STAU2: variants seen among roughly 807,000 people sequenced by gnomAD.
The protein encoded by STAU2 is staufen double-stranded RNA binding protein 2.
Under a neutral mutation model 65.9 loss-of-function variants are expected in STAU2, and 20 were observed. That is an observed-to-expected ratio of 0.30 (90% CI 0.21 to 0.44). The LOEUF (loss-of-function observed/expected upper bound fraction) is 0.44, where lower values mean the gene tolerates loss of function less well. Ranked by LOEUF, STAU2 falls within the 20% of genes least tolerant of loss-of-function variation. The pLI, the probability that STAU2 is intolerant of heterozygous loss-of-function variation, is 1.00. For synonymous variants in STAU2, 232 were observed against 233.9 expected, an observed-to-expected ratio of 0.99 and a Z score of 0.07; for missense variants, 558 against 683.9, an observed-to-expected ratio of 0.82 and a Z score of 2.05.
At chr8:73,642,516 C>T (rs990012700) in intron 6 of STAU2, among the ~76,000 whole-genome samples, 11 of 142,206 alleles carry the variant, frequency 7.7e-5, no homozygotes, top group African/African-American at 2.7e-4. Flanking sequence ...AGCAAGACTC[C>T]GTCCAAAAAT....
At chr8:73,648,322 C>T (rs1429089406) in intron 6 of STAU2, among the ~76,000 whole-genome samples, 1 of 152,086 alleles carries the variant, frequency 6.6e-6, no homozygotes, top group Non-Finnish European at 1.5e-5. Context: ...ATCCAAAATA[C>T]CCAATAACAA....
intron 6 of STAU2, among the ~76,000 whole-genome samples, chr8:73,639,867 A>T (rs1038754056): frequency 2.2e-4 from 34 of 152,152 alleles, no homozygotes; most frequent in African/African-American, 8.2e-4. Flanking sequence ...AAAGCTATCA[A>T]ATAGAATACA....
rs939419839 is a variant in STAU2 at position 73,726,010 on chromosome 8, T to TTG, written c.-18+12273_-18+12274insCA. On this transcript the variant is annotated intron_variant, in intron 3 of 14. Coordinates refer to ENST00000524300, the MANE Select transcript of STAU2 (RefSeq NM_001164380.2). Reference sequence around the variant, plus strand: ...TTGATTATGATGTGCGTGGTTAGGTTTTTTTTTTTTTTAATATTTCTTCTA... The same window carrying TTG: ...TTGATTATGATGTGCGTGGTTAGGTTTGTTTTTTTTTTTTAATATTTCTTCTA... Among the ~76,000 whole-genome samples, 107 of 149,050 alleles carry TTG rather than the reference T, an allele frequency of 7.2e-4. 1 individual carries two copies. The South Asian group carries it at 0.021, about 29-fold the overall frequency.
intron 6 of STAU2, among the ~76,000 whole-genome samples, chr8:73,636,620 T>C (rs970145127): frequency 9.9e-5 from 15 of 151,876 alleles, no homozygotes; most frequent in African/African-American, 3.6e-4. Context: ...CCCAGCACTT[T>C]GGTAGGCTGG....
chr8:73,545,057 T>C (rs998467023), intron 13 of STAU2, among the ~76,000 whole-genome samples: 1 of 152,202 alleles, frequency 6.6e-6, no homozygotes, highest in African/African-American at 2.4e-5. Flanking sequence ...TTCAGCTGAA[T>C]CAGTTCCAAT....
chr8:73,493,178 G>T (rs1470694752), intron 13 of STAU2, among the ~76,000 whole-genome samples: 1 of 151,664 alleles, frequency 6.6e-6, no homozygotes, highest in Non-Finnish European at 1.5e-5. Flanking sequence ...AAACTATAAA[G>T]CTTTTAGATG....
chr8:73,651,409 C>A, intron 6 of STAU2: 1 of 665,776 alleles, frequency 1.5e-6, no homozygotes, highest in Non-Finnish European at 2.8e-6. Context: ...TGTCGGAGGT[C>A]CAGATAAAAA....
intron 4 of STAU2, chr8:73,697,214 C>T (rs1819744830): frequency 6.6e-6 from 1 of 152,142 alleles, no homozygotes; most frequent in Non-Finnish European, 1.5e-5. Flanking sequence ...CCACCATACC[C>T]AGCTAATTGG....
Position 73,703,190 on chromosome 8 carries a change from C to T in STAU2, c.114+5842G>A, listed in dbSNP as rs1820245730. On this transcript the variant is annotated intron_variant, in intron 4 of 14. Transcript: ENST00000524300. ...GGGACTGGATCATGGGGGTGGATTTCTCATGAATGGTTTAGCGCCATCCCT... is the reference window on the plus strand; with the variant it reads ...GGGACTGGATCATGGGGGTGGATTTTTCATGAATGGTTTAGCGCCATCCCT... 1.3e-5 allele frequency among the ~76,000 whole-genome samples: 2 copies of T among 152,142 alleles called. 1 individual carries two copies. Among genetic ancestry groups the T allele is most frequent in the South Asian group, 4.1e-4 (2 of 4,832 alleles).
intron 6 of STAU2, among the ~76,000 whole-genome samples, chr8:73,638,316 A>G (rs1345699119): frequency 6.6e-6 from 1 of 151,986 alleles, no homozygotes; most frequent in African/African-American, 2.4e-5. Context: ...CCAGCATTTT[A>G]CAAACCTATA....
rs58486426 is a variant in STAU2, at chr8:73,605,878, TACACACACACAC to T, written c.892-2027_892-2016del. 6.8e-4 allele frequency among the ~76,000 whole-genome samples: 80 copies of T among 117,838 alleles called. 1 individual carries two copies. The highest frequency in any genetic ancestry group is 3.2e-3 in the East Asian group (12 of 3,754). The allele number at this position is 117,838 out of a possible 152,430, so 77.3% of individuals were successfully genotyped here. A position where few individuals can be genotyped will look rare whatever the true frequency, so the allele number is the denominator to read the frequency against. On this transcript the variant is annotated intron_variant, in intron 9 of 14. Coordinates refer to ENST00000524300, the MANE Select transcript of STAU2 (RefSeq NM_001164380.2). ...ACACACACACACACACACACACACATACACACACACACACACACACACACACACACACACACA... is the reference window on the plus strand; with the variant it reads ...ACACACACACACACACACACACACATACACACACACACACACACACACACA...
At chr8:73,424,563 A>G (rs984903749) in intron 13 of STAU2, among the ~76,000 whole-genome samples, 22 of 152,056 alleles carry the variant, frequency 1.4e-4, no homozygotes, top group African/African-American at 5.3e-4. Context: ...TTATTGCTGA[A>G]TAATGTCCCA....
chr8:73,550,388 A>C lies in STAU2; in HGVS notation c.1530+1624T>G, dbSNP rs188955032. On this transcript the variant is annotated intron_variant, in intron 13 of 14. Transcript: ENST00000524300. ...CTTAGAAATAAAAACAAATTTAAAA[A>C]ATTAAGACATTCTGGTAGCAAAATT... 1,524 of 984,714 alleles carry C rather than the reference A, an allele frequency of 1.5e-3. 3 individuals are homozygous for C. The highest frequency in any genetic ancestry group is 4.7e-3 in the Middle Eastern group (9 of 1,916). 61.0% of individuals were successfully genotyped at this position (984,714 alleles called of 1,614,324 possible).
chr8:73,728,940 A>G (rs1805844719), intron 3 of STAU2, among the ~76,000 whole-genome samples: 1 of 152,120 alleles, frequency 6.6e-6, no homozygotes, highest in African/African-American at 2.4e-5. Flanking sequence ...TGCTCTGGCT[A>G]TAACTTCCAC....
At chr8:73,448,911 C>T (rs534579902) in intron 13 of STAU2, among the ~76,000 whole-genome samples, 2 of 152,246 alleles carry the variant, frequency 1.3e-5, no homozygotes, top group South Asian at 4.1e-4. Context: ...ATATTCCCAC[C>T]GCCACGTGCG....
chr8:73,480,902 AGCTGGCTT>A (rs1820572063), intron 13 of STAU2, among the ~76,000 whole-genome samples: 1 of 152,192 alleles, frequency 6.6e-6, no homozygotes, highest in Non-Finnish European at 1.5e-5. Context: ...TAACAAATCA[AGCTGGCTT>A]AAACTTAAGT....
intron 8 of STAU2, among the ~76,000 whole-genome samples, chr8:73,614,281 T>C (rs1472382512): frequency 1.3e-5 from 2 of 152,198 alleles, no homozygotes; most frequent in South Asian, 2.1e-4. Flanking sequence ...TTAGATTAGA[T>C]ACCATATTAG....
chr8:73,611,597 G>C (rs1299210739), intron 9 of STAU2, among the ~76,000 whole-genome samples: 1 of 151,774 alleles, frequency 6.6e-6, no homozygotes, highest in African/African-American at 2.4e-5. Flanking sequence ...TAAAACAAGA[G>C]TTAGATTTAT....
At chr8:73,421,486 C>T in intron 14 of STAU2, 21 bp from the exon 15 acceptor site, 1 of 1,537,038 alleles carries the variant, frequency 6.5e-7, no homozygotes, top group Non-Finnish European at 8.7e-7. Context: ...AATACATTAA[C>T]AAGAGCTGAA....
Sources: allele counts gnomAD v4.1 joint callset (sites outside exome capture counted in the v4.1 genomes callset), GRCh38; gene constraint gnomAD v4.1.1; transcripts MANE v1.5; gene names NCBI Gene and HGNC (gene_info 2026-07-23, HGNC 2026-07-21).